Variants in RANBP10 observed in about 807,000 individuals in gnomAD.
The protein encoded by RANBP10 is ran-binding protein 10.
A neutral mutation model predicts 72.8 loss-of-function variants in RANBP10; 24 were observed. The ratio of observed to expected loss-of-function variants is 0.33; its 90% CI spans 0.24 to 0.46. The LOEUF (loss-of-function observed/expected upper bound fraction) is 0.46, where lower values mean the gene tolerates loss of function less well. Among genes scored for constraint, RANBP10 ranks in the 20% least tolerant of loss-of-function variants. The pLI is 1.00. For synonymous variants in RANBP10, 310 were observed against 322.3 expected, an observed-to-expected ratio of 0.96 and a Z score of 0.41; for missense variants, 679 against 817.5, an observed-to-expected ratio of 0.83 and a Z score of 2.07.
intron 4 of RANBP10, among the ~76,000 whole-genome samples, chr16:67,741,041 C>T (rs1264106183): frequency 2.0e-5 from 3 of 152,082 alleles, no homozygotes; most frequent in African/African-American, 2.4e-5. Context: ...GTCCAAGCTC[C>T]GTAAATTATA....
chr16:67,735,228 G>A (rs1180680459), intron 5 of RANBP10, among the ~76,000 whole-genome samples, 186 bp from the exon 6 acceptor site: 2 of 152,222 alleles, frequency 1.3e-5, no homozygotes, highest in Non-Finnish European at 2.9e-5. Context: ...AAGCTTGAGG[G>A]GAGAAAGCAA....
At chr16:67,753,206 A>G (rs1385070568) in intron 3 of RANBP10, among the ~76,000 whole-genome samples, 1 of 136,102 alleles carries the variant, frequency 7.3e-6, no homozygotes, top group Non-Finnish European at 1.6e-5. Flanking sequence ...ATCTCATCTT[A>G]AAAAAAAAAA....
Position 67,734,801 on chromosome 16 carries a change from G to T in RANBP10, c.776+57C>A, listed in dbSNP as rs903752680. 16 of 1,466,302 alleles carry T rather than the reference G, an allele frequency of 1.1e-5. No individual in the cohort carries two copies. In the African/African-American group the frequency reaches 2.3e-4, roughly 21 times the overall value. The allele number at this position is 1,466,302 out of a possible 1,614,324, so 90.8% of individuals were successfully genotyped here. On this transcript the variant is annotated intron_variant, in intron 6 of 13. Transcript: ENST00000317506. ...CAGCTTGTAGCCCTACAGGGGCCTA[G>T]AGTGAAGTGGGCTGGGGTGGGGTGG...
rs1390312558 is a variant in RANBP10, at chr16:67,737,197, T to TC, written c.591+815_591+816insG. ...GCAGAAAACTCCATCCTTTTCTTTTTTTTTTTTTTTTTTTTTTTTTTGAGA... is the reference window on the plus strand; with the variant it reads ...GCAGAAAACTCCATCCTTTTCTTTTTCTTTTTTTTTTTTTTTTTTTTTGAGA... On this transcript the variant is annotated intron_variant, in intron 5 of 13. Transcript: ENST00000317506. Among the ~76,000 whole-genome samples, 358 of 132,010 alleles carry TC rather than the reference T, an allele frequency of 2.7e-3. 5 individuals are homozygous for TC. The highest frequency in any genetic ancestry group is 9.6e-3 in the African/African-American group (324 of 33,836). 86.6% of individuals were successfully genotyped at this position (132,010 alleles called of 152,430 possible). A position where few individuals can be genotyped will look rare whatever the true frequency, so the allele number is the denominator to read the frequency against.
At position 67,776,230 on chromosome 16, in the gene RANBP10, T is replaced by C. The variant is rs142072303; in HGVS notation, c.348-4144A>G. 8.7e-3 allele frequency among the ~76,000 whole-genome samples: 1,293 copies of C among 148,046 alleles called. 7 individuals carry two copies. Among genetic ancestry groups the C allele is most frequent in the African/African-American group, 0.023 (926 of 40,046 alleles). On this transcript the variant is annotated intron_variant, in intron 2 of 13. Transcript: ENST00000317506. ...ATCCCAGCACTTTGGGAGGCTGAGG[T>C]CGGCGGATCACCTGAGGTCAGGAGG...
At chr16:67,757,149 G>C (rs1411960019) in intron 3 of RANBP10, among the ~76,000 whole-genome samples, 2 of 152,136 alleles carry the variant, frequency 1.3e-5, no homozygotes, top group Admixed American at 1.3e-4. Flanking sequence ...CAGAGGTTGC[G>C]GTGAGCCAAG....
chr16:67,743,714 C>T (rs992374331), intron 4 of RANBP10, among the ~76,000 whole-genome samples: 2 of 152,222 alleles, frequency 1.3e-5, no homozygotes, highest in East Asian at 1.9e-4. Context: ...CCCATCCCCA[C>T]TGCCTTACCT....
chr16:67,757,249 C>T (rs1409506776), intron 3 of RANBP10, among the ~76,000 whole-genome samples: 1 of 152,120 alleles, frequency 6.6e-6, no homozygotes, highest in African/African-American at 2.4e-5. Flanking sequence ...GGGCACTTCA[C>T]ATGTTCTGCT....
intron 6 of RANBP10, 33 bp from the exon 7 acceptor site, chr16:67,731,617 A>C (rs758042550): frequency 1.3e-6 from 2 of 1,534,452 alleles, no homozygotes; most frequent in East Asian, 4.5e-5. Context: ...GGTGACACTC[A>C]AGAACTGCAC....
chr16:67,745,763 T>C (rs555758703), intron 3 of RANBP10, among the ~76,000 whole-genome samples: 1 of 152,280 alleles, frequency 6.6e-6, no homozygotes, highest in South Asian at 2.1e-4. Context: ...CTCATGCTTG[T>C]AATCCTAACA....
In RANBP10 at chr16:67,729,518, G is replaced by T; in HGVS notation, c.1148-34C>A. 6.3e-7 allele frequency: 1 copy of T among 1,593,418 alleles called. No homozygotes were observed. On this transcript the variant is annotated intron_variant, in intron 9 of 13. Transcript: ENST00000317506. This position sits in a 1 kb window ranked among gnomAD's most constrained non-coding sequence, Gnocchi z 7.1. ...CAGGGTGACAGTCAGAAGAGGAGGG[G>T]CAGCTTCCCATGAAATGAAGCCCCA...
chr16:67,797,989 CAA>C (rs56801646), intron 2 of RANBP10, among the ~76,000 whole-genome samples: 542 of 43,824 alleles, frequency 0.012, 5 homozygotes, highest in African/African-American at 0.042. Flanking sequence ...GACCCTCTCT[CAA>C]AAAAAAAAAA....
At chr16:67,757,188 G>C (rs564823607) in intron 3 of RANBP10, among the ~76,000 whole-genome samples, 1 of 152,318 alleles carries the variant, frequency 6.6e-6, no homozygotes, top group East Asian at 1.9e-4. Flanking sequence ...AGTCTCACCA[G>C]GGAGATTCCC....
intron 2 of RANBP10, among the ~76,000 whole-genome samples, chr16:67,776,051 A>C (rs1435425901): frequency 1.3e-5 from 2 of 151,868 alleles, no homozygotes. Flanking sequence ...AGGCTGAGGC[A>C]GGAGAATGGC....
At chr16:67,726,632 G>A in intron 13 of RANBP10, 74 bp from the exon 14 acceptor site, 1 of 1,466,928 alleles carries the variant, frequency 6.8e-7, no homozygotes, top group Non-Finnish European at 9.1e-7. Flanking sequence ...CCTTGGGGGT[G>A]GAAGGAGGGG....
intron 3 of RANBP10, among the ~76,000 whole-genome samples, chr16:67,767,332 C>G (rs1166064652): frequency 6.6e-6 from 1 of 151,894 alleles, no homozygotes; most frequent in South Asian, 2.1e-4. Context: ...TGGTATACAC[C>G]TGTAGTCCCA....
chr16:67,738,598 G>A (rs542867412), intron 4 of RANBP10: 88 of 150,762 alleles, frequency 5.8e-4, no homozygotes, highest in African/African-American at 2.1e-3. Context: ...GAATACAGGC[G>A]CCCACCACCA....
intron 12 of RANBP10, 67 bp downstream of exon 12, chr16:67,727,684 C>T (rs370341248): frequency 6.2e-7 from 1 of 1,608,418 alleles, no homozygotes. Context: ...CCTGGACTCT[C>T]CCAGAGCCAC....
At position 67,759,993 on chromosome 16, in the gene RANBP10, G is replaced by A. The variant is rs142148586; in HGVS notation, c.400+12041C>T. ...CAGGCGCCTGTAGTCCCAGCTACTC[G>A]GGACGCTGAAGCAGGGGAATGGCGT... On this transcript the variant is annotated intron_variant, in intron 3 of 13. Coordinates refer to ENST00000317506, the MANE Select transcript of RANBP10 (RefSeq NM_020850.3). 2.4e-3 allele frequency among the ~76,000 whole-genome samples: 366 copies of A among 152,026 alleles called. 1 individual carries two copies. The highest frequency in any genetic ancestry group is 8.1e-3 in the African/African-American group (335 of 41,452).
Sources: gnomAD v4.1 joint callset for allele counts (sites outside exome capture counted in the v4.1 genomes callset) on GRCh38, gnomAD v4.1.1 for gene constraint, Gnocchi (gnomAD v3.1) non-coding constraint, MANE v1.5 for transcripts, NCBI Gene and HGNC (gene_info 2026-07-23, HGNC 2026-07-21) for gene names.